TMCC2: variants seen among roughly 807,000 people sequenced by gnomAD.
TMCC2 encodes transmembrane and coiled-coil domain family 2, also known as transmembrane and coiled-coil domains protein 2.
A neutral mutation model predicts 49.4 loss-of-function variants in TMCC2; 16 were observed. The ratio of observed to expected loss-of-function variants is 0.32; its 90% confidence interval spans 0.22 to 0.49. The LOEUF (loss-of-function observed/expected upper bound fraction) is 0.49. Among genes scored for constraint, TMCC2 ranks in the 20% least tolerant of loss-of-function variants. TMCC2 has a pLI of 0.99. For synonymous variants in TMCC2, 397 were observed against 434.1 expected, an observed-to-expected ratio of 0.91 and a Z score of 1.06; for missense variants, 762 against 989.8, an observed-to-expected ratio of 0.77 and a Z score of 3.09.
Position 205,273,202 on chromosome 1 carries a change from T to C in TMCC2, c.*1078T>C, listed in dbSNP as rs537656726. 6.6e-6 allele frequency: 1 copy of C among 152,338 alleles called. No homozygotes were observed. The highest frequency in any genetic ancestry group is 1.9e-4 in the East Asian group (1 of 5,182). The allele number at this position is 152,338 out of a possible 1,614,324, so 9.4% of individuals were successfully genotyped here. A position where few individuals can be genotyped will look rare whatever the true frequency, so the allele number is the denominator to read the frequency against. ...GTGTTGTGTATGGTTTCTTTTCACATCCCAGCCTCCCATGGGCACTTCTAA... is the reference window on the plus strand; with the variant it reads ...GTGTTGTGTATGGTTTCTTTTCACACCCCAGCCTCCCATGGGCACTTCTAA... On this transcript the variant is annotated 3_prime_UTR_variant, in exon 5 of 5. Coordinates refer to ENST00000358024, the MANE Select transcript of TMCC2 (RefSeq NM_014858.4).
rs1661635270 is a variant in TMCC2 at position 205,272,367 on chromosome 1, G to A, written c.*243G>A. On this transcript the variant is annotated 3_prime_UTR_variant, in exon 5 of 5. Transcript: ENST00000358024. Reference sequence around the variant, plus strand: ...GGCACCTGTGGCCAAGTGGAGCAGAGGTGGACATGGGGTTGGATTGTTTTG... The same window carrying A: ...GGCACCTGTGGCCAAGTGGAGCAGAAGTGGACATGGGGTTGGATTGTTTTG... 1.5e-6 allele frequency: 1 copy of A among 672,878 alleles called. No homozygotes were observed. The allele number at this position is 672,878 out of a possible 1,614,324, so 41.7% of individuals were successfully genotyped here.
chr1:205,271,878 G>A lies in TMCC2; in HGVS notation c.1884G>A (p.Val628=), dbSNP rs761124526. ...AGCTGCAGCAGCAACAGCAGCAGGT[G>A]GTACAGCTGGAGGGCGTGGAGAATG... ...KLELQQQQQQ[V]VQLEGVENAN... Residue 628 remains valine (V), a synonymous_variant, in exon 5 of 5, where the codon GTG becomes GTA. Coordinates refer to ENST00000358024, the MANE Select transcript of TMCC2 (RefSeq NM_014858.4). 5 of 1,614,050 alleles carry A rather than the reference G, an allele frequency of 3.1e-6. No individual in the cohort carries two copies. In the South Asian group the frequency reaches 4.4e-5, roughly 14 times the overall value.
intron 1 of TMCC2, among the ~76,000 whole-genome samples, chr1:205,232,849 C>T (rs571866906): frequency 1.4e-5 from 2 of 145,684 alleles, no homozygotes; most frequent in African/African-American, 5.1e-5. Flanking sequence ...GTGGGAGGAT[C>T]GCCTGAGCCC....
chr1:205,230,027 T>C, intron 1 of TMCC2: 4 of 985,446 alleles, frequency 4.1e-6, no homozygotes, highest in South Asian at 4.7e-5. Context: ...GTGCAGGGTC[T>C]GGGCTAGGGA....
At chr1:205,231,862 T>C (rs1390877936) in intron 1 of TMCC2, among the ~76,000 whole-genome samples, 2 of 152,208 alleles carry the variant, frequency 1.3e-5, no homozygotes, top group Non-Finnish European at 2.9e-5. Context: ...CTTAGTTCCA[T>C]TTCTGTTTTC....
intron 1 of TMCC2, among the ~76,000 whole-genome samples, chr1:205,230,646 A>G (rs115976404): frequency 0.011 from 1,719 of 152,198 alleles, 27 homozygotes; most frequent in African/African-American, 0.039. Context: ...TGTGAGAGGC[A>G]GCTTTGGAAA....
intron 2 of TMCC2, among the ~76,000 whole-genome samples, chr1:205,245,278 G>T (rs1400766416): frequency 6.6e-6 from 1 of 152,220 alleles, no homozygotes; most frequent in Non-Finnish European, 1.5e-5. Context: ...AAGTGGAGCT[G>T]CAGTAAGAGC....
At chr1:205,260,523 A>G (rs879706207) in intron 2 of TMCC2, among the ~76,000 whole-genome samples, 1 of 152,110 alleles carries the variant, frequency 6.6e-6, no homozygotes, top group East Asian at 1.9e-4. Flanking sequence ...CTGCATACCC[A>G]CTCTGTAATG....
At chr1:205,256,314 T>C in intron 2 of TMCC2, 1 of 1,549,896 alleles carries the variant, frequency 6.5e-7, no homozygotes, top group Non-Finnish European at 8.7e-7. Flanking sequence ...CACTGCTCAC[T>C]GCTCATTGTC....
intron 2 of TMCC2, chr1:205,256,380 C>G: frequency 6.4e-7 from 1 of 1,551,078 alleles, no homozygotes; most frequent in Non-Finnish European, 8.7e-7. Flanking sequence ...TTCCTGCTGG[C>G]ACTGTCAAGA....
chr1:205,268,164 G>A (rs1661424020), intron 2 of TMCC2: 2 of 763,778 alleles, frequency 2.6e-6, no homozygotes, highest in Non-Finnish European at 3.2e-6. Context: ...GGCACAAAGT[G>A]TAGGCGGTCA....
intron 2 of TMCC2, among the ~76,000 whole-genome samples, chr1:205,249,367 C>A (rs1660577798): frequency 6.6e-6 from 1 of 152,228 alleles, no homozygotes; most frequent in Admixed American, 6.5e-5. Flanking sequence ...GTGAGGGGCC[C>A]CCCCAACCCC....
intron 1 of TMCC2, among the ~76,000 whole-genome samples, chr1:205,240,677 C>T (rs1229999317): frequency 6.6e-6 from 1 of 152,220 alleles, no homozygotes; most frequent in African/African-American, 2.4e-5. Flanking sequence ...GTCCCTTGGG[C>T]TCCACCATCT....
chr1:205,272,262 CTG>C lies in TMCC2; in HGVS notation c.*140_*141del. On this transcript the variant is annotated 3_prime_UTR_variant, in exon 5 of 5. Coordinates refer to ENST00000358024, the MANE Select transcript of TMCC2 (RefSeq NM_014858.4). Reference sequence around the variant, plus strand: ...ATTCCAGCAGCTCCTGCCCCCTTCTCTGTACTTGCTTCTGTCTGACACCTTCT... The same window carrying C: ...ATTCCAGCAGCTCCTGCCCCCTTCTCTACTTGCTTCTGTCTGACACCTTCT... 7.0e-7 allele frequency: 1 copy of C among 1,427,006 alleles called. No individual in the cohort carries two copies. The highest frequency in any genetic ancestry group is 9.2e-7 in the Non-Finnish European group (1 of 1,085,704). The allele number at this position is 1,427,006 out of a possible 1,614,324, so 88.4% of individuals were successfully genotyped here.
At chr1:205,247,822 C>T (rs1191106929) in intron 2 of TMCC2, among the ~76,000 whole-genome samples, 6 of 152,206 alleles carry the variant, frequency 3.9e-5, no homozygotes, top group Admixed American at 3.9e-4. Context: ...GCAGCCCTGG[C>T]AGGGTTGAGT....
At chr1:205,271,317 G>A in intron 4 of TMCC2, 62 bp downstream of exon 4, 1 of 1,612,878 alleles carries the variant, frequency 6.2e-7, no homozygotes, top group African/African-American at 1.3e-5. Flanking sequence ...GCAGCCAGAG[G>A]GTTAGGGTTC....
At position 205,228,739 on chromosome 1, in the gene TMCC2, C is replaced by T. The variant is rs777964095; in HGVS notation, c.175C>T (p.Pro59Ser). The T allele has an allele frequency of 3.1e-6, 5 of 1,609,584 alleles. No individual in the cohort carries two copies. In the South Asian group the frequency reaches 4.4e-5, roughly 14 times the overall value. The change falls in exon 1 of 5, where the codon CCA becomes TCA. Residue 59 changes from proline to serine, a missense_variant. Pro to Ser is a moderately conservative substitution (Grantham distance 74). Coordinates refer to ENST00000358024, the MANE Select transcript of TMCC2 (RefSeq NM_014858.4). The stretch of plus-strand genomic sequence containing the variant: ...CGCCGGCGCTGCCGCGGCGCCCAAC[C>T]CAGGTCCCCGAAGCAAGCCTCCTGA... ...SDAGAAAAPN[P>S]GPRSKPPDLK...
chr1:205,255,460 C>T (rs1574853446), intron 2 of TMCC2, among the ~76,000 whole-genome samples: 1 of 152,258 alleles, frequency 6.6e-6, no homozygotes, highest in East Asian at 1.9e-4. Context: ...GAGACTGAAG[C>T]AGGAGAATCG....
chr1:205,250,927 A>G (rs1261574997), intron 2 of TMCC2, among the ~76,000 whole-genome samples: 3 of 152,160 alleles, frequency 2.0e-5, no homozygotes, highest in African/African-American at 7.2e-5. Flanking sequence ...GGGTCATGGG[A>G]GTTGGCTCAG....
Sources: gnomAD v4.1 joint callset for allele counts (sites outside exome capture counted in the v4.1 genomes callset) on GRCh38, gnomAD v4.1.1 for gene constraint, MANE v1.5 for transcripts, NCBI Gene and HGNC (gene_info 2026-07-23, HGNC 2026-07-21) for gene names.